RAD54L2: variants seen among roughly 807,000 people sequenced by gnomAD.
The protein encoded by RAD54L2 is helicase ARIP4.
Under a neutral mutation model 138.4 loss-of-function variants are expected in RAD54L2, and 27 were observed. The observed-to-expected ratio is 0.20, with a 90% CI of 0.14 to 0.27. RAD54L2 has a LOEUF of 0.27. Among genes scored for constraint, RAD54L2 ranks in the 10% least tolerant of loss-of-function variants. RAD54L2 has a pLI of 1.00. For synonymous variants in RAD54L2, 644 were observed against 723.2 expected (o/e 0.89, Z 1.76); for missense variants, 1,396 against 1,890.2 (o/e 0.74, Z 4.85).
At chr3:51,551,269 G>A (rs1577382393) in intron 2 of RAD54L2, among the ~76,000 whole-genome samples, 1 of 151,876 alleles carries the variant, frequency 6.6e-6, no homozygotes, top group African/African-American at 2.4e-5. Flanking sequence ...AGTAGCTGGG[G>A]CCACAGGTGC....
chr3:51,543,037 T>A (rs1698593465), intron 2 of RAD54L2, among the ~76,000 whole-genome samples: 1 of 152,178 alleles, frequency 6.6e-6, no homozygotes. Flanking sequence ...TTGCCAGGAA[T>A]TCTCCAGATG....
intron 3 of RAD54L2, among the ~76,000 whole-genome samples, chr3:51,609,897 C>A (rs1011862713): frequency 2.6e-5 from 4 of 151,998 alleles, no homozygotes; most frequent in Non-Finnish European, 5.9e-5. Context: ...CACATGGGGC[C>A]TTAGAGGAGT....
chr3:51,652,575 C>G (rs889517556), intron 19 of RAD54L2, among the ~76,000 whole-genome samples: 3 of 152,124 alleles, frequency 2.0e-5, no homozygotes, highest in African/African-American at 7.2e-5. Flanking sequence ...GGTACCAAAA[C>G]CAAAATATAG....
At chr3:51,598,173 G>GTATATATATATATATA (rs1238523807) in intron 3 of RAD54L2, among the ~76,000 whole-genome samples, 11 of 144,518 alleles carry the variant, frequency 7.6e-5, no homozygotes, top group African/African-American at 2.8e-4. Context: ...GTGTGTGTGT[G>GTATATATATATATATA]TGTGTATATA....
In RAD54L2 at chr3:51,590,546, A is replaced by C; in HGVS notation, c.126A>C (p.Glu42Asp). Residue 42 changes from glutamate to aspartate, a missense_variant, in exon 3 of 23, where the codon GAA becomes GAC. By Grantham distance (45) the Glu-to-Asp change is conservative. Transcript: ENST00000684192. The part of the protein sequence containing the change: ...AVEECDRDDE[E>D]DLLDDPSLEG... Reference sequence around the variant, plus strand: ...AGGAGTGTGACAGGGATGATGAAGAAGACCTGCTGGATGGTAAGTGGGCTC... The same window carrying C: ...AGGAGTGTGACAGGGATGATGAAGACGACCTGCTGGATGGTAAGTGGGCTC... 1 of 1,552,406 alleles carries C rather than the reference A, an allele frequency of 6.4e-7. No homozygotes were observed. The highest frequency in any genetic ancestry group is 2.4e-5 in the East Asian group (1 of 40,922).
chr3:51,641,457 C>G (rs1701133829), intron 14 of RAD54L2, among the ~76,000 whole-genome samples: 1 of 152,076 alleles, frequency 6.6e-6, no homozygotes, highest in Admixed American at 6.6e-5. Flanking sequence ...GCTGGGATTA[C>G]AGGCGTGTGC....
chr3:51,563,853 C>T (rs1699154924), intron 2 of RAD54L2, among the ~76,000 whole-genome samples: 1 of 152,128 alleles, frequency 6.6e-6, no homozygotes, highest in Non-Finnish European at 1.5e-5. Context: ...AGCTTGTTCT[C>T]CACAGATCAA....
chr3:51,621,895 T>TA (rs2106780860), intron 3 of RAD54L2, among the ~76,000 whole-genome samples: 1 of 152,280 alleles, frequency 6.6e-6, no homozygotes, highest in African/African-American at 2.4e-5. Flanking sequence ...TAGCAGTAGA[T>TA]ATCCTCTCTT....
At chr3:51,625,719 G>A (rs1700662630) in intron 3 of RAD54L2, among the ~76,000 whole-genome samples, 1 of 152,026 alleles carries the variant, frequency 6.6e-6, no homozygotes, top group South Asian at 2.1e-4. Flanking sequence ...AAAATTAGCT[G>A]GGTGTGATGG....
At position 51,571,388 on chromosome 3, in the gene RAD54L2, CT is replaced by C. The variant is rs568383202; in HGVS notation, c.-54-18959del. On this transcript the variant is annotated intron_variant, in intron 2 of 22. Coordinates refer to ENST00000684192, the MANE Select transcript of RAD54L2 (RefSeq NM_015106.4). ...TGGCTGTGTCTCTGTGGAATACCTG[CT>C]TTTTTTTTTTTTTTTTTTTAAAGAC... 5.5e-3 allele frequency among the ~76,000 whole-genome samples: 641 copies of C among 115,820 alleles called. 3 individuals carry two copies. Among genetic ancestry groups the C allele is most frequent in the Middle Eastern group, 0.018 (4 of 220 alleles). The allele number at this position is 115,820 out of a possible 152,430, so 76.0% of individuals were successfully genotyped here.
chr3:51,633,245 TC>T (rs1375970721), intron 7 of RAD54L2, among the ~76,000 whole-genome samples: 1 of 151,862 alleles, frequency 6.6e-6, no homozygotes, highest in Non-Finnish European at 1.5e-5. Context: ...AACAAACTAC[TC>T]CTATGGAATG....
At chr3:51,621,204 G>A (rs1286391425) in intron 3 of RAD54L2, among the ~76,000 whole-genome samples, 1 of 152,160 alleles carries the variant, frequency 6.6e-6, no homozygotes, top group East Asian at 1.9e-4. Context: ...GTATTTACAT[G>A]ACAATGAACT....
rs1701723855 is a variant in RAD54L2, at chr3:51,660,116, C to T, written c.3407C>T (p.Ser1136Leu). 1.9e-6 allele frequency: 3 copies of T among 1,597,172 alleles called. No homozygotes were observed. The highest frequency in any genetic ancestry group is 1.7e-5 in the Admixed American group (1 of 59,568). The change falls in exon 22 of 23, where the codon TCA (serine) becomes TTA (leucine). Residue 1136 changes from serine (S) to leucine (L), a missense_variant and splice_region_variant. Physicochemically the swap from Ser to Leu is moderately radical, Grantham distance 145 (BLOSUM62 -2). Around this residue, in one of 7 missense-constraint regions of RAD54L2, gnomAD observed 634 missense variants for 711.2 expected, o/e 0.89. Coordinates refer to ENST00000684192, the MANE Select transcript of RAD54L2 (RefSeq NM_015106.4). ...CCTGAAGATGGTCGGATGGCTGCCT[C>T]AGGTGTGATGGCTTTTACTTTCCAT... is the stretch of plus-strand genomic sequence containing the variant. The part of the protein sequence containing the change: ...KVPEDGRMAA[S>L]GSQGPSCEST...
intron 2 of RAD54L2, among the ~76,000 whole-genome samples, chr3:51,562,577 C>G (rs899282150): frequency 6.6e-6 from 1 of 152,218 alleles, no homozygotes; most frequent in South Asian, 2.1e-4. Context: ...GTTGGCCAGG[C>G]TGGTCTTGAA....
intron 3 of RAD54L2, among the ~76,000 whole-genome samples, chr3:51,594,631 T>C (rs750219854): frequency 1.3e-5 from 2 of 152,206 alleles, no homozygotes; most frequent in East Asian, 1.9e-4. Context: ...AGAAGGTGAT[T>C]GTTAATTATT....
chr3:51,653,512 C>G (rs201595020), intron 19 of RAD54L2, among the ~76,000 whole-genome samples: 1 of 152,154 alleles, frequency 6.6e-6, no homozygotes, highest in African/African-American at 2.4e-5. Context: ...TTCACAATAG[C>G]AAAGACTTGG....
chr3:51,606,796 C>T (rs1458208069), intron 3 of RAD54L2, among the ~76,000 whole-genome samples: 5 of 151,930 alleles, frequency 3.3e-5, no homozygotes, highest in South Asian at 4.2e-4. Flanking sequence ...TATTCTCTGG[C>T]CTCACCCTCC....
intron 2 of RAD54L2, among the ~76,000 whole-genome samples, chr3:51,559,260 T>C (rs1201454896): frequency 6.6e-6 from 1 of 152,202 alleles, no homozygotes; most frequent in Non-Finnish European, 1.5e-5. Flanking sequence ...TCCACTGATA[T>C]TCTCCCCAGG....
Position 51,662,689 on chromosome 3 carries a change from C to T in RAD54L2, c.3673C>T (p.Arg1225Ter). ...CGGGACAGCTCTCGGAACTGAGCCTCGACTAGGGGGTCATTGCCTCAATAG... is the reference window on the plus strand; with the variant it reads ...CGGGACAGCTCTCGGAACTGAGCCTTGACTAGGGGGTCATTGCCTCAATAG... ...VPGTALGTEP[R>*]LGGHCLNSSL... The change falls in exon 23 of 23, where the codon CGA becomes TGA. Residue 1225 changes from arginine (R) to a stop codon, truncating the protein, a stop_gained. Coordinates refer to ENST00000684192, the MANE Select transcript of RAD54L2 (RefSeq NM_015106.4). LOFTEE classifies it high-confidence loss of function. This position sits in a 1 kb window ranked among gnomAD's most constrained non-coding sequence, Gnocchi z 4.6. 1.2e-6 allele frequency: 2 copies of T among 1,613,878 alleles called. No homozygotes were observed. The highest frequency in any genetic ancestry group is 1.7e-6 in the Non-Finnish European group (2 of 1,179,864).
Sources: gnomAD v4.1 joint callset for allele counts (sites outside exome capture counted in the v4.1 genomes callset) on GRCh38, gnomAD v4.1.1 for gene constraint, gnomAD v4.1.1 regional missense constraint, Gnocchi (gnomAD v3.1) non-coding constraint, MANE v1.5 for transcripts, NCBI Gene and HGNC (gene_info 2026-07-23, HGNC 2026-07-21) for gene names.